The following GLDC variants were observed in gnomAD, a reference collection of about 807,000 sequenced individuals.
GLDC encodes glycine decarboxylase.
In GLDC, 104 loss-of-function variants were observed where a neutral mutation model predicts 121.3. The observed-to-expected ratio is 0.86, with a 90% CI of 0.73 to 1.01. GLDC has a LOEUF of 1.01. Ranked by LOEUF, GLDC falls within the 50% of genes least tolerant of loss-of-function variation. The probability of loss-of-function intolerance (pLI) is 0.00; values close to 1 mark genes in which losing one functional copy is unlikely to be tolerated. For missense variants in GLDC, 1,429 were observed against 1,306.6 expected (o/e 1.09, Z -1.44); for synonymous variants, 546 against 480.6 (o/e 1.14, Z -1.78).
At chr9:6,581,987 G>A (rs1166128563) in intron 15 of GLDC, among the ~76,000 whole-genome samples, 1 of 151,818 alleles carries the variant, frequency 6.6e-6, no homozygotes, top group Non-Finnish European at 1.5e-5. Context: ...GGCTGAGGCA[G>A]GAGGATCACC....
chr9:6,644,950 G>T, intron 1 of GLDC: 2 of 611,096 alleles, frequency 3.3e-6, no homozygotes, highest in African/African-American at 1.8e-5. Flanking sequence ...TAATCAGGGG[G>T]TCTTCCTCCT....
At chr9:6,555,076 A>C in intron 18 of GLDC, 1 of 473,084 alleles carries the variant, frequency 2.1e-6, no homozygotes, top group Non-Finnish European at 3.9e-6. Flanking sequence ...TCCACACACC[A>C]CAAAGGGAGA....
chr9:6,532,984 T>C lies in GLDC; in HGVS notation c.*33A>G, dbSNP rs1389148786. On this transcript the variant is annotated 3_prime_UTR_variant, in exon 25 of 25. Transcript: ENST00000321612. ...TTATCAAATGCTCTGGGGAGAGGCA[T>C]CAAATCAGTCCTTTAAACTTAGGGA... 4.6e-6 allele frequency: 7 copies of C among 1,522,594 alleles called. No individual in the cohort carries two copies. Among genetic ancestry groups the C allele is most frequent in the Middle Eastern group, 2.2e-4 (1 of 4,606 alleles). The allele number at this position is 1,522,594 out of a possible 1,614,324, so 94.3% of individuals were successfully genotyped here.
In GLDC at chr9:6,533,103, A is replaced by G. The variant is rs1817035396; in HGVS notation, c.2977T>C (p.Tyr993His). ...GTACAAACCAGGTGCTGATCTCCAT[A>G]TATGTCATCAATCCGGGCAATCGTT... ...WPTIARIDDI[Y>H]GDQHLVCTCP... The change falls in exon 25 of 25, where the codon TAT becomes CAT. Residue 993 changes from tyrosine (Y) to histidine (H), a missense_variant. Transcript: ENST00000321612. 4 of 1,611,654 alleles carry G rather than the reference A, an allele frequency of 2.5e-6. No homozygotes were observed. Among genetic ancestry groups the G allele is most frequent in the South Asian group, 2.2e-5 (2 of 91,036 alleles).
intron 3 of GLDC, among the ~76,000 whole-genome samples, chr9:6,612,793 C>T (rs967169445): frequency 1.3e-5 from 2 of 152,008 alleles, no homozygotes; most frequent in South Asian, 2.1e-4. Context: ...AACCAGAAGG[C>T]GGAGGTTGCA....
chr9:6,592,881 C>G lies in GLDC; in HGVS notation c.1371G>C (p.Gln457His). ...CATCCTCAAAAAGCCGAAAATTGAT[C>G]TGCCGCTGAGCGGCCCTGCCCAAGA... ...KEVLGRAAQR[Q>H]INFRLFEDGT... Residue 457 changes from glutamine to histidine, a missense_variant, in exon 10 of 25, where the codon CAG becomes CAC. Coordinates refer to ENST00000321612, the MANE Select transcript of GLDC (RefSeq NM_000170.3). 1 of 1,613,924 alleles carries G rather than the reference C, an allele frequency of 6.2e-7. No individual in the cohort carries two copies. Among genetic ancestry groups the G allele is most frequent in the East Asian group, 2.2e-5 (1 of 44,892 alleles).
In GLDC at chr9:6,553,409, C is replaced by T. The variant is rs138797822; in HGVS notation, c.2416G>A (p.Gly806Ser). The change falls in exon 20 of 25, where the codon GGC (glycine) becomes AGC (serine). Residue 806 changes from glycine (G) to serine (S), a missense_variant. Gly to Ser is a moderately conservative substitution (Grantham distance 56). Transcript: ENST00000321612. The stretch of plus-strand genomic sequence containing the variant: ...GAAATGGGCAAGATGGAACTGGAGC[C>T]CCATGGGGCCGCACTGACGGTTCCC... ...PVGTVSAAPW[G>S]SSSILPISWA... 16 of 1,613,866 alleles carry T rather than the reference C, an allele frequency of 9.9e-6. No homozygotes were observed. The highest frequency in any genetic ancestry group is 5.3e-5 in the African/African-American group (4 of 74,898).
intron 2 of GLDC, among the ~76,000 whole-genome samples, chr9:6,620,614 C>T (rs923607043): frequency 1.3e-5 from 2 of 152,106 alleles, no homozygotes; most frequent in African/African-American, 2.4e-5. Context: ...TCATTCCAGG[C>T]TTTTTCTGTT....
chr9:6,637,477 A>AG (rs1191394234), intron 2 of GLDC, among the ~76,000 whole-genome samples: 4 of 151,752 alleles, frequency 2.6e-5, no homozygotes, highest in Non-Finnish European at 4.4e-5. Flanking sequence ...TTTGAGATGA[A>AG]GTCATTCTGT....
intron 21 of GLDC, among the ~76,000 whole-genome samples, chr9:6,547,282 T>C (rs1356054611): frequency 6.6e-6 from 1 of 151,812 alleles, no homozygotes; most frequent in Non-Finnish European, 1.5e-5. Context: ...AATCAGAGAG[T>C]CAGCTGTGAA....
chr9:6,608,615 A>T (rs10975684), intron 4 of GLDC, among the ~76,000 whole-genome samples: 17 of 126,856 alleles, frequency 1.3e-4, no homozygotes, highest in African/African-American at 3.1e-4. Context: ...GCGTGGTGGC[A>T]GGCACCTGTA....
At chr9:6,543,364 A>C (rs1347710283) in intron 21 of GLDC, among the ~76,000 whole-genome samples, 1 of 152,086 alleles carries the variant, frequency 6.6e-6, no homozygotes, top group Non-Finnish European at 1.5e-5. Flanking sequence ...GACAGCAGGG[A>C]GGGGAGGAGG....
intron 16 of GLDC, among the ~76,000 whole-genome samples, chr9:6,559,186 T>C (rs1817694932): frequency 2.0e-5 from 3 of 152,170 alleles, no homozygotes. Context: ...TAATAAATTA[T>C]TAGTTTCTAT....
intron 2 of GLDC, among the ~76,000 whole-genome samples, chr9:6,637,423 CTT>C (rs907668991): frequency 6.7e-6 from 1 of 148,628 alleles, no homozygotes; most frequent in Non-Finnish European, 1.5e-5. Flanking sequence ...AAAAAAGATA[CTT>C]TATCAAGATT....
rs560646589 is a variant in GLDC at position 6,561,670 on chromosome 9, T to C, written c.1927-2986A>G. 2.0e-5 allele frequency among the ~76,000 whole-genome samples: 3 copies of C among 152,098 alleles called. No homozygotes were observed. In the South Asian group the frequency reaches 6.2e-4, roughly 32 times the overall value. ...TCTTGGGGGAAAAAAATTGTATTGT[T>C]GTGAGGGATATGGAAGTAACACGAC... On this transcript the variant is annotated intron_variant, in intron 16 of 24. Transcript: ENST00000321612.
At chr9:6,594,727 ACAAGAAAGCAAGAAAG>A (rs1184753139) in intron 9 of GLDC, among the ~76,000 whole-genome samples, 2 of 146,426 alleles carry the variant, frequency 1.4e-5, no homozygotes, top group Admixed American at 1.3e-4. Flanking sequence ...AAGCAAGCAA[ACAAGAAAGCAAGAAAG>A]CAAGCAAGCA....
intron 2 of GLDC, among the ~76,000 whole-genome samples, chr9:6,625,716 T>C (rs925509781): frequency 3.3e-5 from 5 of 152,178 alleles, no homozygotes; most frequent in Admixed American, 2.6e-4. Flanking sequence ...AAGGTCTCTT[T>C]ACTATGGTTT....
At chr9:6,621,428 T>C (rs943775092) in intron 2 of GLDC, among the ~76,000 whole-genome samples, 1 of 152,208 alleles carries the variant, frequency 6.6e-6, no homozygotes, top group African/African-American at 2.4e-5. Context: ...GTCACACGAC[T>C]TTAAATTAAA....
At chr9:6,591,476 C>A (rs1250795511) in intron 11 of GLDC, among the ~76,000 whole-genome samples, 1 of 152,194 alleles carries the variant, frequency 6.6e-6, no homozygotes, top group African/African-American at 2.4e-5. Context: ...TAGCACCTGA[C>A]ACATATTGGG....
Sources: gnomAD v4.1 joint callset for allele counts (sites outside exome capture counted in the v4.1 genomes callset) on GRCh38, gnomAD v4.1.1 for gene constraint, MANE v1.5 for transcripts, NCBI Gene and HGNC (gene_info 2026-07-23, HGNC 2026-07-21) for gene names.